Variants in ROBO1 observed in about 807,000 individuals in gnomAD.
The protein encoded by ROBO1 is roundabout guidance receptor 1.
A neutral mutation model predicts 195.9 loss-of-function variants in ROBO1; 149 were observed. That is an observed-to-expected ratio of 0.76 (90% CI 0.67 to 0.87). The LOEUF (loss-of-function observed/expected upper bound fraction) is 0.87. ROBO1 is among the 40% of genes least tolerant of loss of function. The pLI is 0.00. For synonymous variants in ROBO1, 816 were observed against 733.2 expected (o/e 1.11, Z -1.82); for missense variants, 1,933 against 2,068.3 (o/e 0.93, Z 1.27).
intron 4 of ROBO1, among the ~76,000 whole-genome samples, chr3:78,754,456 A>G (rs773595149): frequency 6.6e-6 from 1 of 152,226 alleles, no homozygotes; most frequent in Non-Finnish European, 1.5e-5. Flanking sequence ...CCTTGCAGCA[A>G]GAGTCCTCAA....
chr3:78,724,478 C>A (rs2082116406), intron 5 of ROBO1, among the ~76,000 whole-genome samples: 1 of 143,974 alleles, frequency 6.9e-6, no homozygotes. Context: ...CAGTTTGAGA[C>A]CAGCCTGGCC....
At chr3:79,722,529 G>A (rs1446455531) in intron 1 of ROBO1, among the ~76,000 whole-genome samples, 1 of 152,112 alleles carries the variant, frequency 6.6e-6, no homozygotes, top group East Asian at 1.9e-4. Context: ...TGTTAACCCC[G>A]AGTAGCTGGT....
At chr3:78,759,955 T>A (rs770772783) in intron 4 of ROBO1, among the ~76,000 whole-genome samples, 1 of 152,316 alleles carries the variant, frequency 6.6e-6, no homozygotes, top group African/African-American at 2.4e-5. Flanking sequence ...CTGGACAACA[T>A]AAAACTACCA....
chr3:79,455,647 G>C (rs2107225103), intron 2 of ROBO1, among the ~76,000 whole-genome samples: 2 of 152,088 alleles, frequency 1.3e-5, no homozygotes, highest in South Asian at 4.2e-4. Flanking sequence ...TTGACTCGTG[G>C]GTTGTTCAAA....
chr3:79,099,684 G>C (rs1485784072), intron 3 of ROBO1, among the ~76,000 whole-genome samples: 3 of 151,720 alleles, frequency 2.0e-5, no homozygotes, highest in African/African-American at 7.3e-5. Flanking sequence ...TCACAATTTT[G>C]TCATCAGAGA....
At chr3:78,668,635 G>A in intron 11 of ROBO1, 70 bp from the exon 12 acceptor site, 1 of 1,404,800 alleles carries the variant, frequency 7.1e-7, no homozygotes, top group Non-Finnish European at 1.0e-6. Context: ...AGCAATTACA[G>A]GTTTGTATAT....
intron 2 of ROBO1, among the ~76,000 whole-genome samples, chr3:79,141,671 G>C (rs1011049857): frequency 1.3e-5 from 2 of 151,518 alleles, no homozygotes; most frequent in Non-Finnish European, 2.9e-5. Context: ...TATGGCATAA[G>C]GGGTTTCACT....
chr3:78,965,953 C>A lies in ROBO1; in HGVS notation c.173-27026G>T, dbSNP rs534583346. Among the ~76,000 whole-genome samples the A allele has an allele frequency of 8.5e-5, 13 of 152,302 alleles. No homozygotes were observed. The South Asian group carries it at 2.1e-3, about 24-fold the overall frequency. On this transcript the variant is annotated intron_variant, in intron 3 of 30. Coordinates refer to ENST00000464233, the MANE Select transcript of ROBO1 (RefSeq NM_002941.4). ...ATTTCATTTTATTTTAATCAATTATCTTTAAATGCAACAAGCAACTAGCTA... is the reference window on the plus strand; with the variant it reads ...ATTTCATTTTATTTTAATCAATTATATTTAAATGCAACAAGCAACTAGCTA...
intron 29 of ROBO1, among the ~76,000 whole-genome samples, chr3:78,602,349 C>T (rs1703225866): frequency 6.6e-6 from 1 of 152,104 alleles, no homozygotes; most frequent in Non-Finnish European, 1.5e-5. Context: ...CCTTCACCTT[C>T]CGCCATGATT....
chr3:78,748,221 G>A (rs1458255032), intron 4 of ROBO1, among the ~76,000 whole-genome samples: 9 of 152,072 alleles, frequency 5.9e-5, no homozygotes, highest in South Asian at 2.1e-4. Flanking sequence ...CAAGGAGGGC[G>A]GATTACCTGA....
chr3:79,439,625 T>C (rs574790883), intron 2 of ROBO1, among the ~76,000 whole-genome samples: 2 of 152,208 alleles, frequency 1.3e-5, no homozygotes, highest in Non-Finnish European at 2.9e-5. Context: ...GATAAATAAA[T>C]TTAATAGTTA....
rs1559772966 is a variant in ROBO1 at position 78,711,362 on chromosome 3, C to CTTT, written c.1045+3034_1045+3035insAAA. Among the ~76,000 whole-genome samples, 103 of 65,704 alleles carry CTTT rather than the reference C, an allele frequency of 1.6e-3. 1 individual carries two copies. Among genetic ancestry groups the CTTT allele is most frequent in the African/African-American group, 5.6e-3 (73 of 12,962 alleles). The allele number at this position is 65,704 out of a possible 152,430, so 43.1% of individuals were successfully genotyped here. On this transcript the variant is annotated intron_variant, in intron 8 of 30. Transcript: ENST00000464233. The stretch of plus-strand genomic sequence containing the variant: ...TTCCTTCCTTCCTCCTTCCTTCCTT[C>CTTT]CTTCCTTCCTTCCTTCCTTCCTTCC...
intron 4 of ROBO1, among the ~76,000 whole-genome samples, chr3:78,855,341 G>C (rs147471646): frequency 1.4e-4 from 22 of 152,092 alleles, no homozygotes; most frequent in African/African-American, 4.8e-4. Flanking sequence ...CTTGATTAAC[G>C]TAAGTCTACT....
chr3:78,814,730 CA>C, intron 4 of ROBO1, among the ~76,000 whole-genome samples: 1 of 152,134 alleles, frequency 6.6e-6, no homozygotes, highest in African/African-American at 2.4e-5. Flanking sequence ...TATATTCTAC[CA>C]ATTCACGGTT....
intron 2 of ROBO1, among the ~76,000 whole-genome samples, chr3:79,356,944 C>T (rs1454559111): frequency 2.0e-5 from 3 of 152,064 alleles, no homozygotes; most frequent in Admixed American, 6.6e-5. Context: ...GTTCTCTGTT[C>T]CTGGGAACTT....
At chr3:79,186,211 G>A (rs1013803099) in intron 2 of ROBO1, among the ~76,000 whole-genome samples, 4 of 152,088 alleles carry the variant, frequency 2.6e-5, no homozygotes, top group African/African-American at 9.7e-5. Context: ...GCACATGTAT[G>A]AGCATATGCG....
chr3:78,946,551 A>G (rs374514735), intron 3 of ROBO1, among the ~76,000 whole-genome samples: 2 of 152,202 alleles, frequency 1.3e-5, no homozygotes, highest in Non-Finnish European at 2.9e-5. Context: ...ACAACTGGTA[A>G]CAGCCACTGC....
intron 3 of ROBO1, among the ~76,000 whole-genome samples, chr3:78,996,168 G>A (rs1379463128): frequency 6.6e-6 from 1 of 151,652 alleles, no homozygotes; most frequent in Admixed American, 6.6e-5. Context: ...TGGTATATAA[G>A]GCTCTTGGGT....
intron 3 of ROBO1, among the ~76,000 whole-genome samples, chr3:78,953,278 T>C (rs146812651): frequency 6.6e-5 from 10 of 152,200 alleles, no homozygotes; most frequent in Non-Finnish European, 1.3e-4. Context: ...TGAAGCTGGC[T>C]AGCTGAGTTC....
Sources: gnomAD v4.1 joint callset for allele counts (sites outside exome capture counted in the v4.1 genomes callset) on GRCh38, gnomAD v4.1.1 for gene constraint, MANE v1.5 for transcripts, NCBI Gene and HGNC (gene_info 2026-07-23, HGNC 2026-07-21) for gene names.